The following TSHZ2 variants were observed in gnomAD, a reference collection of about 807,000 sequenced individuals.
TSHZ2 encodes the protein teashirt zinc finger homeobox 2.
TSHZ2 carries 21 observed loss-of-function variants against 74.4 expected under a neutral mutation model. That is an observed-to-expected ratio of 0.28 (90% CI 0.20 to 0.41). The LOEUF (loss-of-function observed/expected upper bound fraction) is 0.41. Ranked by LOEUF, TSHZ2 falls within the 10% of genes least tolerant of loss-of-function variation. The pLI, the probability that TSHZ2 is intolerant of heterozygous loss-of-function variation, is 1.00. For synonymous variants in TSHZ2, 540 were observed against 515.3 expected, an observed-to-expected ratio of 1.05 and a Z score of -0.65; for missense variants, 1,244 against 1,293.5, an observed-to-expected ratio of 0.96 and a Z score of 0.59.
chr20:53,061,805 A>G (rs1474826283), intron 1 of TSHZ2, among the ~76,000 whole-genome samples: 1 of 152,148 alleles, frequency 6.6e-6, no homozygotes, highest in Non-Finnish European at 1.5e-5. Flanking sequence ...TTAAACTCAA[A>G]TTCCATTTTA....
chr20:53,020,456 G>A (rs941721708), intron 1 of TSHZ2, among the ~76,000 whole-genome samples: 1 of 152,296 alleles, frequency 6.6e-6, no homozygotes, highest in East Asian at 1.9e-4. Context: ...CGCATTACAA[G>A]CTAGGATCTG....
chr20:53,383,770 T>TAAA, intron 2 of TSHZ2, among the ~76,000 whole-genome samples: 2 of 152,130 alleles, frequency 1.3e-5, no homozygotes, highest in South Asian at 4.2e-4. Context: ...CAAAAAATAA[T>TAAA]AACAATAATA....
At chr20:53,050,139 G>GTA (rs1266130140) in intron 1 of TSHZ2, among the ~76,000 whole-genome samples, 3 of 76,996 alleles carry the variant, frequency 3.9e-5, no homozygotes, top group African/African-American at 1.2e-4. Flanking sequence ...ATATATATAT[G>GTA]TGTATATATA....
At chr20:53,410,453 T>C (rs1240563643) in intron 2 of TSHZ2, among the ~76,000 whole-genome samples, 1 of 152,162 alleles carries the variant, frequency 6.6e-6, no homozygotes, top group Non-Finnish European at 1.5e-5. Context: ...GAAAAAGGTC[T>C]CAGTACGATA....
intron 1 of TSHZ2, among the ~76,000 whole-genome samples, chr20:53,039,793 C>T (rs757522682): frequency 0.24 from 36,499 of 149,258 alleles, 6,289 homozygotes; most frequent in African/African-American, 0.48. Context: ...CACACACACA[C>T]ACACACACAC....
chr20:53,392,051 G>A (rs182605844), intron 2 of TSHZ2, among the ~76,000 whole-genome samples: 3 of 152,316 alleles, frequency 2.0e-5, no homozygotes, highest in Admixed American at 6.5e-5. Flanking sequence ...GTTCACTGTG[G>A]TAATACTTAG....
At chr20:53,322,999 C>G (rs1292749832) in intron 2 of TSHZ2, among the ~76,000 whole-genome samples, 1 of 152,150 alleles carries the variant, frequency 6.6e-6, no homozygotes, top group Non-Finnish European at 1.5e-5. Context: ...CCAGCCTTCC[C>G]AGTTTATCTG....
intron 1 of TSHZ2, among the ~76,000 whole-genome samples, chr20:53,121,330 AC>A (rs1238352490): frequency 2.0e-5 from 3 of 152,108 alleles, no homozygotes; most frequent in East Asian, 3.9e-4. Flanking sequence ...AATATCTAAT[AC>A]CCCAAATCTA....
At chr20:53,417,769 A>G (rs1391736060) in intron 2 of TSHZ2, among the ~76,000 whole-genome samples, 1 of 152,150 alleles carries the variant, frequency 6.6e-6, no homozygotes, top group Non-Finnish European at 1.5e-5. Context: ...ACAAAAACTA[A>G]AAAATAGGGA....
chr20:53,035,327 G>C (rs958332821), intron 1 of TSHZ2, among the ~76,000 whole-genome samples: 35 of 152,186 alleles, frequency 2.3e-4, no homozygotes, highest in African/African-American at 8.0e-4. Context: ...GGTGAAATCA[G>C]CAGTGGTTCA....
chr20:53,343,022 A>C (rs1419182682), intron 2 of TSHZ2, among the ~76,000 whole-genome samples: 1 of 123,476 alleles, frequency 8.1e-6, no homozygotes, highest in East Asian at 2.5e-4. Context: ...GCTGGAGTGC[A>C]GTGGCACAAT....
At chr20:53,419,614 G>T (rs1025694776) in intron 2 of TSHZ2, among the ~76,000 whole-genome samples, 5 of 152,146 alleles carry the variant, frequency 3.3e-5, no homozygotes, top group African/African-American at 1.2e-4. Flanking sequence ...TTTGAACTGA[G>T]GTTTATTAGA....
At chr20:53,034,453 C>A (rs1248215662) in intron 1 of TSHZ2, among the ~76,000 whole-genome samples, 1 of 152,128 alleles carries the variant, frequency 6.6e-6, no homozygotes, top group East Asian at 1.9e-4. Flanking sequence ...AAAGAGTGAG[C>A]AAGACAGACA....
chr20:53,417,296 T>C (rs549552779), intron 2 of TSHZ2, among the ~76,000 whole-genome samples: 2 of 151,400 alleles, frequency 1.3e-5, no homozygotes, highest in East Asian at 1.9e-4. Flanking sequence ...TTTTTTTTTT[T>C]ATTTGTTTGT....
At chr20:53,148,831 G>A (rs1786049149) in intron 1 of TSHZ2, among the ~76,000 whole-genome samples, 1 of 152,172 alleles carries the variant, frequency 6.6e-6, no homozygotes, top group African/African-American at 2.4e-5. Flanking sequence ...TGGACTCAGT[G>A]TAAAATGGGG....
chr20:52,987,909 A>G (rs1981832400), intron 1 of TSHZ2, among the ~76,000 whole-genome samples: 1 of 151,952 alleles, frequency 6.6e-6, no homozygotes, highest in Non-Finnish European at 1.5e-5. Context: ...AATTCTCAAG[A>G]CTCTATAGAA....
chr20:53,418,166 G>C (rs1355743056), intron 2 of TSHZ2, among the ~76,000 whole-genome samples: 2 of 152,202 alleles, frequency 1.3e-5, no homozygotes, highest in African/African-American at 4.8e-5. Flanking sequence ...TGCTGAGAGA[G>C]TAAAGGGGAG....
At chr20:53,319,827 G>A (rs1021820643) in intron 2 of TSHZ2, among the ~76,000 whole-genome samples, 3 of 152,168 alleles carry the variant, frequency 2.0e-5, no homozygotes, top group Non-Finnish European at 4.4e-5. Flanking sequence ...CAACACATGT[G>A]GCCATTATTC....
chr20:53,100,519 C>T (rs1465708716), intron 1 of TSHZ2, among the ~76,000 whole-genome samples: 1 of 152,154 alleles, frequency 6.6e-6, no homozygotes, highest in African/African-American at 2.4e-5. Context: ...TGGCAAGCTC[C>T]TGTTTTAGCA....
Sources: allele counts gnomAD v4.1 joint callset (sites outside exome capture counted in the v4.1 genomes callset), GRCh38; gene constraint gnomAD v4.1.1; transcripts MANE v1.5; gene names NCBI Gene and HGNC (gene_info 2026-07-23, HGNC 2026-07-21).